Variants in DPYSL5 observed in about 807,000 individuals in gnomAD.
The protein encoded by DPYSL5 is dihydropyrimidinase-related protein 5.
Under a neutral mutation model 58.4 loss-of-function variants are expected in DPYSL5, and 9 were observed. The observed-to-expected ratio is 0.15, with a 90% CI of 0.09 to 0.27. DPYSL5 has a LOEUF of 0.27. DPYSL5 is among the 10% of genes least tolerant of loss of function. The pLI is 1.00. For missense variants in DPYSL5, 499 were observed against 770.6 expected (o/e 0.65, Z 4.17); for synonymous variants, 293 against 301.9 (o/e 0.97, Z 0.31).
At chr2:26,857,795 T>C (rs1665915576) in intron 1 of DPYSL5, among the ~76,000 whole-genome samples, 1 of 152,224 alleles carries the variant, frequency 6.6e-6, no homozygotes, top group South Asian at 2.1e-4. Context: ...ACAGTTGGAT[T>C]ATAATGGAAA....
In DPYSL5 at chr2:26,905,248, C is replaced by A. The variant is rs371664098; in HGVS notation, c.261+6488C>A. 1.1e-3 allele frequency among the ~76,000 whole-genome samples: 171 copies of A among 152,240 alleles called. No individual in the cohort carries two copies. Among genetic ancestry groups the A allele is most frequent in the African/African-American group, 4.0e-3 (168 of 41,538 alleles). The stretch of plus-strand genomic sequence containing the variant: ...AATAACTGATGTCAGCGCCTTAGAG[C>A]TAAACAGTTTTTACTATGTATAAAT... On this transcript the variant is annotated intron_variant, in intron 2 of 12. Transcript: ENST00000288699. This position sits in a 1 kb window ranked among gnomAD's most constrained non-coding sequence, Gnocchi z 4.0.
chr2:26,860,254 A>C (rs1665977953), intron 1 of DPYSL5, among the ~76,000 whole-genome samples: 1 of 152,222 alleles, frequency 6.6e-6, no homozygotes, highest in Admixed American at 6.5e-5. Context: ...CATGATTGTC[A>C]AATGGACACA....
Position 26,944,293 on chromosome 2 carries a change from G to C in DPYSL5, c.1441-363G>C, listed in dbSNP as rs1298283597. Among the ~76,000 whole-genome samples the C allele has an allele frequency of 1.3e-5, 2 of 151,994 alleles. No homozygotes were observed. The highest frequency in any genetic ancestry group is 4.8e-5 in the African/African-American group (2 of 41,378). ...GAGTGAGACTCTGTCTCAAAAAAAA[G>C]AAAAGAAAAATTTGGTTAAAGTTGA... On this transcript the variant is annotated intron_variant, in intron 11 of 12. Transcript: ENST00000288699. This position sits in a 1 kb window ranked among gnomAD's most constrained non-coding sequence, Gnocchi z 4.4.
At chr2:26,938,723 G>A (rs6718978) in intron 8 of DPYSL5, 86,640 of 152,036 alleles carry the variant, frequency 0.57, 25,154 homozygotes, top group East Asian at 0.68. Context: ...GTCTCCTGGA[G>A]TGGGCATCTT....
intron 1 of DPYSL5, 72 bp downstream of exon 1, chr2:26,848,326 T>G (rs1665650484): frequency 6.6e-6 from 1 of 151,894 alleles, no homozygotes; most frequent in African/African-American, 2.4e-5. Flanking sequence ...CCCTTCTGTT[T>G]CTGCGTGAGG....
intron 1 of DPYSL5, among the ~76,000 whole-genome samples, chr2:26,864,617 G>A (rs981191890): frequency 3.3e-5 from 5 of 152,206 alleles, no homozygotes; most frequent in East Asian, 1.9e-4. Context: ...AATGACTAAC[G>A]TGAACCATCC....
At chr2:26,922,710 C>CAA (rs1206507036) in intron 2 of DPYSL5, among the ~76,000 whole-genome samples, 2 of 152,182 alleles carry the variant, frequency 1.3e-5, no homozygotes, top group African/African-American at 4.8e-5. Flanking sequence ...CATGTAAAAG[C>CAA]AAGAGATGCA....
chr2:26,874,150 C>A (rs548577257), intron 1 of DPYSL5, among the ~76,000 whole-genome samples: 3 of 152,158 alleles, frequency 2.0e-5, no homozygotes, highest in South Asian at 4.1e-4. Flanking sequence ...TAAGAATTAT[C>A]TTTATATTCT....
In DPYSL5 at chr2:26,895,775, C is replaced by CTTTTTTTTTTTTTT. The variant is rs869030530; in HGVS notation, c.-4-2711_-4-2698dup. On this transcript the variant is annotated intron_variant, in intron 1 of 12. Transcript: ENST00000288699. ...ACCATTCTGTTCTCTATTTCTTTTT[C>CTTTTTTTTTTTTTT]TTTTTTTTTTTTTTTTTTTTTTTGA... Among the ~76,000 whole-genome samples the CTTTTTTTTTTTTTT allele has an allele frequency of 1.3e-3, 132 of 101,076 alleles. 1 individual carries two copies. The highest frequency in any genetic ancestry group is 1.6e-3 in the Non-Finnish European group (84 of 50,922). The allele number at this position is 101,076 out of a possible 152,430, so 66.3% of individuals were successfully genotyped here.
At chr2:26,848,309 C>T (rs1210310454) in intron 1 of DPYSL5, 55 bp downstream of exon 1, 2 of 152,150 alleles carry the variant, frequency 1.3e-5, no homozygotes, top group Admixed American at 6.5e-5. Context: ...AGGACATCCT[C>T]CTCTCCCCCT....
chr2:26,855,069 C>T (rs1665845879), intron 1 of DPYSL5, among the ~76,000 whole-genome samples: 3 of 151,862 alleles, frequency 2.0e-5, no homozygotes, highest in Non-Finnish European at 4.4e-5. Flanking sequence ...CCGCCCGCCT[C>T]AGCTTCCCAA....
At chr2:26,889,894 A>G (rs1388288940) in intron 1 of DPYSL5, among the ~76,000 whole-genome samples, 1 of 152,164 alleles carries the variant, frequency 6.6e-6, no homozygotes, top group Non-Finnish European at 1.5e-5. Context: ...TGAGTTCAGC[A>G]AAGACTAGCA....
intron 6 of DPYSL5, among the ~76,000 whole-genome samples, chr2:26,931,992 G>C (rs928096845): frequency 1.0e-5 from 1 of 99,852 alleles, no homozygotes; most frequent in Non-Finnish European, 1.8e-5. Flanking sequence ...CTGGGTGACT[G>C]AGCGAGACTC....
At chr2:26,893,017 C>T (rs1241440985) in intron 1 of DPYSL5, among the ~76,000 whole-genome samples, 1 of 152,232 alleles carries the variant, frequency 6.6e-6, no homozygotes, top group Non-Finnish European at 1.5e-5. Flanking sequence ...CAACTCCCCA[C>T]GGCCTCTCTG....
chr2:26,909,140 G>T (rs1169354422), intron 2 of DPYSL5, among the ~76,000 whole-genome samples: 1 of 152,162 alleles, frequency 6.6e-6, no homozygotes, highest in Non-Finnish European at 1.5e-5. Context: ...GGTGATTACT[G>T]CAGCCAGCCA....
intron 1 of DPYSL5, among the ~76,000 whole-genome samples, chr2:26,850,152 AAGGGTG>A (rs1026447530): frequency 6.6e-6 from 1 of 152,146 alleles, no homozygotes; most frequent in African/African-American, 2.4e-5. Flanking sequence ...ATGATCCCGC[AAGGGTG>A]AGGCTCTAGG....
rs531945833 is a variant in DPYSL5, at chr2:26,867,447, T to G, written c.-5+19193T>G. 4.6e-3 allele frequency among the ~76,000 whole-genome samples: 679 copies of G among 147,144 alleles called. 2 individuals carry two copies. The highest frequency in any genetic ancestry group is 7.7e-3 in the Non-Finnish European group (520 of 67,242). On this transcript the variant is annotated intron_variant, in intron 1 of 12. Coordinates refer to ENST00000288699, the MANE Select transcript of DPYSL5 (RefSeq NM_020134.4). Reference sequence around the variant, plus strand: ...TCGGTTTGTTCCCAATTGTTTGTTTTTTTTTTTGTTTGTTTTTTTTTTTTT... The same window carrying G: ...TCGGTTTGTTCCCAATTGTTTGTTTGTTTTTTTGTTTGTTTTTTTTTTTTT...
chr2:26,862,824 T>C (rs1666051129), intron 1 of DPYSL5, among the ~76,000 whole-genome samples: 1 of 152,126 alleles, frequency 6.6e-6, no homozygotes, highest in South Asian at 2.1e-4. Context: ...TGCAGAGGAA[T>C]TTACTAGAAG....
intron 6 of DPYSL5, among the ~76,000 whole-genome samples, chr2:26,932,117 AAGAAAG>A (rs1665019803): frequency 6.8e-6 from 1 of 146,906 alleles, no homozygotes; most frequent in Non-Finnish European, 1.5e-5. Flanking sequence ...GAAAAGAAAA[AAGAAAG>A]AGAAAGAAAG....
Sources: allele counts gnomAD v4.1 joint callset (sites outside exome capture counted in the v4.1 genomes callset), GRCh38; gene constraint gnomAD v4.1.1; non-coding constraint Gnocchi (gnomAD v3.1); transcripts MANE v1.5; gene names NCBI Gene and HGNC (gene_info 2026-07-23, HGNC 2026-07-21).